Variants in VPS13A observed in about 807,000 individuals in gnomAD.
VPS13A encodes intermembrane lipid transfer protein VPS13A.
Under a neutral mutation model 390.9 loss-of-function variants are expected in VPS13A, and 264 were observed. The ratio of observed to expected loss-of-function variants is 0.68; its 90% CI spans 0.61 to 0.75. VPS13A has a LOEUF of 0.75. VPS13A is among the 30% of genes least tolerant of loss of function. The pLI is 0.00. For synonymous variants in VPS13A, 1,231 were observed against 1,227.1 expected (o/e 1.00, Z -0.07); for missense variants, 3,409 against 3,733.9 (o/e 0.91, Z 2.27).
chr9:77,246,989 G>A (rs568757683), intron 19 of VPS13A, among the ~76,000 whole-genome samples: 1 of 151,874 alleles, frequency 6.6e-6, no homozygotes, highest in African/African-American at 2.4e-5. Context: ...TTTTTGGTCT[G>A]TATCTTCCCA....
intron 68 of VPS13A, among the ~76,000 whole-genome samples, chr9:77,391,894 A>C (rs1230347464): frequency 1.1e-4 from 17 of 152,248 alleles, no homozygotes; most frequent in Admixed American, 1.1e-3. Flanking sequence ...TGTTCTACAA[A>C]CAAATTCAGT....
At chr9:77,378,777 G>T (rs1352415210) in intron 67 of VPS13A, among the ~76,000 whole-genome samples, 1 of 151,668 alleles carries the variant, frequency 6.6e-6, no homozygotes, top group African/African-American at 2.4e-5. Flanking sequence ...AACTTGTGAA[G>T]TTATATTATT....
chr9:77,263,207 C>G (rs549578918), intron 23 of VPS13A, among the ~76,000 whole-genome samples: 2 of 151,410 alleles, frequency 1.3e-5, no homozygotes. Context: ...CCTGGGTTCA[C>G]GCCATTCTCC....
chr9:77,250,728 C>T (rs192858103), intron 21 of VPS13A, among the ~76,000 whole-genome samples: 1 of 152,326 alleles, frequency 6.6e-6, no homozygotes, highest in Admixed American at 6.5e-5. Flanking sequence ...AGACGAGGGT[C>T]ACTCTCCTAG....
chr9:77,329,092 C>T (rs1164269555), intron 45 of VPS13A, among the ~76,000 whole-genome samples: 1 of 152,142 alleles, frequency 6.6e-6, no homozygotes, highest in Non-Finnish European at 1.5e-5. Context: ...CCCCATGATC[C>T]AGTTACCTCC....
chr9:77,308,855 T>C (rs1206133218), intron 35 of VPS13A, among the ~76,000 whole-genome samples: 1 of 152,208 alleles, frequency 6.6e-6, no homozygotes, highest in Non-Finnish European at 1.5e-5. Context: ...ACAGCATTTT[T>C]ACTCAGGGAG....
Position 77,419,893 on chromosome 9 carries a change from C to G in VPS13A, c.*3887C>G, listed in dbSNP as rs1433729211. The G allele has an allele frequency of 1.3e-5, 2 of 152,074 alleles. No individual in the cohort carries two copies. Among genetic ancestry groups the G allele is most frequent in the African/African-American group, 2.4e-5 (1 of 41,404 alleles). The allele number at this position is 152,074 out of a possible 1,614,324, so 9.4% of individuals were successfully genotyped here. On this transcript the variant is annotated 3_prime_UTR_variant, in exon 72 of 72. Transcript: ENST00000360280. The stretch of plus-strand genomic sequence containing the variant: ...TACGTAGGGCACATTCTGGTAGGGC[C>G]AAAATATTCAGTGTCTGGGGGGTGC...
chr9:77,184,310 T>C (rs899669864), intron 1 of VPS13A, among the ~76,000 whole-genome samples: 1 of 152,078 alleles, frequency 6.6e-6, no homozygotes, highest in Non-Finnish European at 1.5e-5. Context: ...TTGCTGAGAG[T>C]GTTTTCTTTT....
Position 77,227,398 on chromosome 9 carries a change from A to G in VPS13A, c.1365A>G (p.Glu455=). The G allele has an allele frequency of 6.2e-7, 1 of 1,612,540 alleles. No homozygotes were observed. Among genetic ancestry groups the G allele is most frequent in the Non-Finnish European group, 8.5e-7 (1 of 1,178,970 alleles). The stretch of plus-strand genomic sequence containing the variant: ...CTTCTTTCTGATTTGTAGCTCTTGA[A>G]GAAATGTTGACACCTGAAGAAAAAG... ...QQPDVQPETL[E]EMLTPEEKAL... Residue 455 remains glutamate (E), a synonymous_variant, in exon 16 of 72, where the codon GAA becomes GAG. Coordinates refer to ENST00000360280, the MANE Select transcript of VPS13A (RefSeq NM_033305.3).
At chr9:77,399,574 C>G (rs1384695317) in intron 68 of VPS13A, among the ~76,000 whole-genome samples, 1 of 152,142 alleles carries the variant, frequency 6.6e-6, no homozygotes, top group Non-Finnish European at 1.5e-5. Context: ...CTCTTGAATT[C>G]TATTAGCAGT....
In VPS13A at chr9:77,216,639, A is replaced by G. The variant is rs774334596; in HGVS notation, c.754+2253A>G. Among the ~76,000 whole-genome samples the G allele has an allele frequency of 1.4e-4, 21 of 152,288 alleles. 1 individual carries two copies. The highest frequency in any genetic ancestry group is 3.4e-3 in the Middle Eastern group (1 of 294). On this transcript the variant is annotated intron_variant, in intron 10 of 71. Transcript: ENST00000360280. ...CTTCTGAGCTCTTCAATTAAAAAAT[A>G]TGTATCTGAGGTATGTTAGGGTTCT...
intron 70 of VPS13A, among the ~76,000 whole-genome samples, chr9:77,406,711 C>T (rs1246129093): frequency 6.7e-6 from 1 of 150,240 alleles, no homozygotes; most frequent in Non-Finnish European, 1.5e-5. Flanking sequence ...GCCACTGGAC[C>T]CAGCCTCATC....
rs1169291769 is a variant in VPS13A at position 77,345,146 on chromosome 9, A to G, written c.7289+4A>G. ...AACTTGTTCAATACAATCAAAGGTA[A>G]GATTATCACAAATACAGTAACTCTT... On this transcript the variant is annotated splice_donor_region_variant and intron_variant, in intron 52 of 71. Coordinates refer to ENST00000360280, the MANE Select transcript of VPS13A (RefSeq NM_033305.3). 6.2e-7 allele frequency: 1 copy of G among 1,612,606 alleles called. No individual in the cohort carries two copies. Among genetic ancestry groups the G allele is most frequent in the Non-Finnish European group, 8.5e-7 (1 of 1,179,582 alleles).
chr9:77,332,245 T>C, intron 46 of VPS13A, 132 bp downstream of exon 46: 1 of 681,552 alleles, frequency 1.5e-6, no homozygotes, highest in African/African-American at 1.8e-5. Flanking sequence ...TTCAGTGCAC[T>C]TAGATCTTAA....
intron 22 of VPS13A, among the ~76,000 whole-genome samples, chr9:77,257,384 G>A (rs1352236759): frequency 1.3e-5 from 2 of 151,976 alleles, no homozygotes; most frequent in African/African-American, 2.4e-5. Context: ...ACAGGCACAC[G>A]TCACTACACT....
chr9:77,277,867 C>T (rs1203430066), intron 26 of VPS13A, among the ~76,000 whole-genome samples: 2 of 152,104 alleles, frequency 1.3e-5, no homozygotes, highest in African/African-American at 4.8e-5. Context: ...GTTAATAAAG[C>T]TGCTGTGAAC....
intron 69 of VPS13A, among the ~76,000 whole-genome samples, chr9:77,405,158 CAAG>C (rs1363547215): frequency 3.3e-5 from 5 of 152,024 alleles, no homozygotes; most frequent in African/African-American, 7.2e-5. Context: ...AATGGGAAAA[CAAG>C]AATTTATTTA....
chr9:77,197,134 G>C (rs1466584681), intron 1 of VPS13A, among the ~76,000 whole-genome samples: 4 of 152,054 alleles, frequency 2.6e-5, no homozygotes, highest in Non-Finnish European at 5.9e-5. Context: ...TTGACCATTT[G>C]TATGTTTTCT....
intron 63 of VPS13A, 101 bp from the exon 64 acceptor site, chr9:77,370,156 T>C (rs902132048): frequency 7.9e-7 from 1 of 1,261,852 alleles, no homozygotes; most frequent in Non-Finnish European, 1.1e-6. Flanking sequence ...GACAACATTA[T>C]CCATTTTTGT....
Sources: allele counts gnomAD v4.1 joint callset (sites outside exome capture counted in the v4.1 genomes callset), GRCh38; gene constraint gnomAD v4.1.1; transcripts MANE v1.5; gene names NCBI Gene and HGNC (gene_info 2026-07-23, HGNC 2026-07-21).